IQUB: variants seen among roughly 807,000 people sequenced by gnomAD.
The protein encoded by IQUB is IQ motif and ubiquitin domain containing, also known as IQ motif and ubiquitin-like domain-containing protein.
IQUB carries 86 observed loss-of-function variants against 86.4 expected under a neutral mutation model. That is an observed-to-expected ratio of 1.00 (90% CI 0.84 to 1.19). The LOEUF is 1.19. Among genes scored for constraint, IQUB ranks in the 50% most tolerant of loss-of-function variants. IQUB has a pLI of 0.00. For missense variants in IQUB, 946 were observed against 916.9 expected (o/e 1.03, Z -0.41); for synonymous variants, 289 against 304.5 (o/e 0.95, Z 0.53).
chr7:123,494,716 A>G (rs1795636488), intron 7 of IQUB, among the ~76,000 whole-genome samples: 1 of 152,068 alleles, frequency 6.6e-6, no homozygotes, highest in Admixed American at 6.6e-5. Context: ...GTACTTTTTG[A>G]AATACTTTCA....
chr7:123,480,036 T>A, intron 7 of IQUB, 66 bp from the exon 8 acceptor site: 4 of 1,193,464 alleles, frequency 3.4e-6, no homozygotes, highest in Non-Finnish European at 4.7e-6. Flanking sequence ...CACATCCTGA[T>A]GAGGAGTATT....
chr7:123,452,607 TAA>T lies in IQUB; in HGVS notation c.*134_*135del. On this transcript the variant is annotated 3_prime_UTR_variant, in exon 13 of 13. Coordinates refer to ENST00000324698, the MANE Select transcript of IQUB (RefSeq NM_178827.5). ...TATATAGAAATGTTTTCTCTTTATA[TAA>T]CTCAAAATACTATGAAAAACAAAAA... The T allele has an allele frequency of 2.1e-6, 1 of 473,492 alleles. No individual in the cohort carries two copies. 29.3% of individuals were successfully genotyped at this position (473,492 alleles called of 1,614,324 possible).
At chr7:123,495,032 C>T (rs1460955072) in intron 7 of IQUB, among the ~76,000 whole-genome samples, 1 of 152,118 alleles carries the variant, frequency 6.6e-6, no homozygotes, top group Non-Finnish European at 1.5e-5. Flanking sequence ...GTCAATAAGA[C>T]CTTTCATAGA....
chr7:123,456,904 T>G (rs1246989857), intron 12 of IQUB: 1 of 153,498 alleles, frequency 6.5e-6, no homozygotes, highest in Non-Finnish European at 1.4e-5. Context: ...CACAAAATTA[T>G]GAACAAAATT....
intron 6 of IQUB, among the ~76,000 whole-genome samples, chr7:123,500,284 G>A (rs1795886245): frequency 6.6e-6 from 1 of 152,096 alleles, no homozygotes; most frequent in Non-Finnish European, 1.5e-5. Context: ...CTCTCTTGGG[G>A]TCTGGATCGG....
At chr7:123,503,138 C>T (rs1422831051) in intron 4 of IQUB, 22 bp from the exon 5 acceptor site, 1 of 1,609,646 alleles carries the variant, frequency 6.2e-7, no homozygotes, top group South Asian at 1.1e-5. Context: ...CACCAAGATT[C>T]AATGAAAGCT....
Position 123,503,227 on chromosome 7 carries a change from T to A in IQUB, c.669A>T (p.Gln223His), listed in dbSNP as rs200284947. 5 of 1,611,844 alleles carry A rather than the reference T, an allele frequency of 3.1e-6. No homozygotes were observed. The highest frequency in any genetic ancestry group is 4.2e-6 in the Non-Finnish European group (5 of 1,179,210). Residue 223 changes from glutamine (Q) to histidine (H), a missense_variant, in exon 4 of 13, where the codon CAA becomes CAT. Transcript: ENST00000324698. ...CAGTTTGGACAGTGACAGTTATGATTTGAGAGACATCAGTTAATCCATCTA... is the reference window on the plus strand; with the variant it reads ...CAGTTTGGACAGTGACAGTTATGATATGAGAGACATCAGTTAATCCATCTA... ...RRIDGLTDVS[Q>H]IITVTVQTGL...
chr7:123,455,815 C>A (rs1221359542), intron 12 of IQUB, among the ~76,000 whole-genome samples: 1 of 152,058 alleles, frequency 6.6e-6, no homozygotes, highest in Admixed American at 6.6e-5. Flanking sequence ...TTAACTGGGT[C>A]AGGATTACTG....
At chr7:123,464,767 T>C in intron 10 of IQUB, 66 bp downstream of exon 10, 3 of 1,082,242 alleles carry the variant, frequency 2.8e-6, no homozygotes, top group Non-Finnish European at 3.9e-6. Flanking sequence ...AATTTGAATA[T>C]ACTTCAATTT....
intron 7 of IQUB, among the ~76,000 whole-genome samples, chr7:123,489,009 G>A (rs561393328): frequency 6.6e-6 from 1 of 152,162 alleles, no homozygotes; most frequent in South Asian, 2.1e-4. Context: ...ATAACCTTGA[G>A]GCAAAGAAGC....
intron 7 of IQUB, among the ~76,000 whole-genome samples, chr7:123,480,988 G>A (rs1168026755): frequency 6.6e-6 from 1 of 151,902 alleles, no homozygotes; most frequent in African/African-American, 2.4e-5. Flanking sequence ...TACTAAATTT[G>A]GAAAAGAAAA....
At chr7:123,527,465 G>A (rs1005630093) in intron 1 of IQUB, among the ~76,000 whole-genome samples, 1 of 152,138 alleles carries the variant, frequency 6.6e-6, no homozygotes, top group African/African-American at 2.4e-5. Flanking sequence ...TTTGGTCTTT[G>A]ATGATGGTGA....
chr7:123,452,720 T>A lies in IQUB; in HGVS notation c.*23A>T. ...TTAGCAGTGAACAAAATGCCGATCA[T>A]CAAACAAATACTCCTGGATCACCTA... On this transcript the variant is annotated 3_prime_UTR_variant, in exon 13 of 13. Transcript: ENST00000324698. The A allele has an allele frequency of 6.3e-7, 1 of 1,577,754 alleles. No individual in the cohort carries two copies. Among genetic ancestry groups the A allele is most frequent in the Non-Finnish European group, 8.7e-7 (1 of 1,153,210 alleles).
chr7:123,452,305 T>TAAAGA lies in IQUB; in HGVS notation c.*433_*437dup, dbSNP rs1377984609. ...AAAATATAAATTTTTTTATCCTACT[T>TAAAGA]AAAGAAGTTTTCAAGAAAGAGCACT... On this transcript the variant is annotated 3_prime_UTR_variant, in exon 13 of 13. Transcript: ENST00000324698. The TAAAGA allele has an allele frequency of 6.6e-6, 1 of 152,354 alleles. No homozygotes were observed. Among genetic ancestry groups the TAAAGA allele is most frequent in the Non-Finnish European group, 1.5e-5 (1 of 68,188 alleles). The allele number at this position is 152,354 out of a possible 1,614,324, so 9.4% of individuals were successfully genotyped here. A position where few individuals can be genotyped will look rare whatever the true frequency, so the allele number is the denominator to read the frequency against.
Position 123,452,636 on chromosome 7 carries a change from C to A in IQUB, c.*107G>T, listed in dbSNP as rs1793474842. 3.0e-6 allele frequency: 2 copies of A among 656,354 alleles called. No homozygotes were observed. The highest frequency in any genetic ancestry group is 3.1e-5 in the East Asian group (1 of 32,158). The allele number at this position is 656,354 out of a possible 1,614,324, so 40.7% of individuals were successfully genotyped here. ...TCAAAATACTATGAAAAACAAAAAA[C>A]AAAATCAATAAACAGATTAAATTCC... On this transcript the variant is annotated 3_prime_UTR_variant, in exon 13 of 13. Coordinates refer to ENST00000324698, the MANE Select transcript of IQUB (RefSeq NM_178827.5).
At chr7:123,472,815 C>CA (rs1794592013) in intron 8 of IQUB, among the ~76,000 whole-genome samples, 1 of 152,182 alleles carries the variant, frequency 6.6e-6, no homozygotes, top group African/African-American at 2.4e-5. Flanking sequence ...GGAAAAATGT[C>CA]AACTTTGCTT....
intron 7 of IQUB, among the ~76,000 whole-genome samples, chr7:123,494,777 A>G (rs1352565819): frequency 6.6e-6 from 1 of 152,128 alleles, no homozygotes; most frequent in African/African-American, 2.4e-5. Flanking sequence ...TGAAGTAGAC[A>G]GGCCAAAAAT....
At chr7:123,462,869 T>TATTTATA (rs772906325) in intron 10 of IQUB, 30 of 454,694 alleles carry the variant, frequency 6.6e-5, no homozygotes, top group Middle Eastern at 3.2e-4. Context: ...TCATTCTTAT[T>TATTTATA]ATGATTATGA....
At chr7:123,522,472 T>A (rs1025625445) in intron 1 of IQUB, among the ~76,000 whole-genome samples, 1 of 152,228 alleles carries the variant, frequency 6.6e-6, no homozygotes, top group Non-Finnish European at 1.5e-5. Flanking sequence ...ATTCCACACT[T>A]GTGAAATGGG....
Sources: allele counts gnomAD v4.1 joint callset (sites outside exome capture counted in the v4.1 genomes callset), GRCh38; gene constraint gnomAD v4.1.1; transcripts MANE v1.5; gene names NCBI Gene and HGNC (gene_info 2026-07-23, HGNC 2026-07-21).